Variants in ZFPM2 observed in about 807,000 individuals in gnomAD.
ZFPM2 encodes the protein zinc finger protein, FOG family member 2.
Under a neutral mutation model 98.6 loss-of-function variants are expected in ZFPM2, and 20 were observed. The observed-to-expected ratio is 0.20, with a 90% CI of 0.14 to 0.29. ZFPM2 has a LOEUF of 0.29. Among genes scored for constraint, ZFPM2 ranks in the 10% least tolerant of loss-of-function variants. ZFPM2 has a pLI of 1.00. For missense variants in ZFPM2, 1,310 were observed against 1,388.6 expected, an observed-to-expected ratio of 0.94 and a Z score of 0.90; for synonymous variants, 518 against 502.7, an observed-to-expected ratio of 1.03 and a Z score of -0.41.
At chr8:105,534,261 CCT>C in intron 3 of ZFPM2, among the ~76,000 whole-genome samples, 1 of 46,222 alleles carries the variant, frequency 2.2e-5, no homozygotes, top group African/African-American at 1.4e-4. Context: ...CTCCCTTCCT[CCT>C]TTCCTTCCTT....
chr8:105,512,907 A>C (rs1450727934), intron 3 of ZFPM2, among the ~76,000 whole-genome samples: 3 of 152,070 alleles, frequency 2.0e-5, no homozygotes, highest in Non-Finnish European at 2.9e-5. Flanking sequence ...TGCATGTTTC[A>C]AAATTTTTCT....
At chr8:105,626,467 C>T (rs1209877974) in intron 4 of ZFPM2, among the ~76,000 whole-genome samples, 1 of 152,034 alleles carries the variant, frequency 6.6e-6, no homozygotes, top group East Asian at 1.9e-4. Flanking sequence ...GAAACTTTTG[C>T]TGTGTAAAAT....
At chr8:105,759,422 G>A (rs1442468920) in intron 5 of ZFPM2, among the ~76,000 whole-genome samples, 3 of 151,932 alleles carry the variant, frequency 2.0e-5, no homozygotes, top group African/African-American at 4.8e-5. Context: ...CACAATATCC[G>A]CTTCACAGAC....
At chr8:105,541,369 C>T (rs977897094) in intron 3 of ZFPM2, among the ~76,000 whole-genome samples, 1 of 152,152 alleles carries the variant, frequency 6.6e-6, no homozygotes, top group Non-Finnish European at 1.5e-5. Flanking sequence ...GGAATTCAGA[C>T]CCATCTCCAT....
intron 3 of ZFPM2, among the ~76,000 whole-genome samples, chr8:105,485,223 A>C (rs542552818): frequency 4.6e-5 from 7 of 152,292 alleles, no homozygotes; most frequent in Non-Finnish European, 7.4e-5. Context: ...ACAGAGTCCA[A>C]CAGCCAGCCT....
At chr8:105,784,586 T>C (rs1813357024) in intron 5 of ZFPM2, among the ~76,000 whole-genome samples, 1 of 146,058 alleles carries the variant, frequency 6.8e-6, no homozygotes, top group Non-Finnish European at 1.5e-5. Flanking sequence ...TGTTATTTAT[T>C]ATATGATTAT....
intron 1 of ZFPM2, among the ~76,000 whole-genome samples, chr8:105,359,367 C>CTTTTTTTTTTTT (rs111675257): frequency 1.5e-5 from 2 of 135,356 alleles, no homozygotes; most frequent in Non-Finnish European, 1.6e-5. Flanking sequence ...CTTTTTCTTT[C>CTTTTTTTTTTTT]TTTTTTTTTT....
intron 4 of ZFPM2, among the ~76,000 whole-genome samples, chr8:105,563,164 C>T: frequency 6.6e-6 from 1 of 152,122 alleles, no homozygotes; most frequent in East Asian, 1.9e-4. Flanking sequence ...GTACTGGGTT[C>T]AGCAACATTA....
At chr8:105,721,977 A>G (rs149246812) in intron 5 of ZFPM2, among the ~76,000 whole-genome samples, 2 of 152,082 alleles carry the variant, frequency 1.3e-5, no homozygotes, top group African/African-American at 4.8e-5. Context: ...AATACTATAT[A>G]TAGGTATAAT....
intron 4 of ZFPM2, among the ~76,000 whole-genome samples, chr8:105,607,506 T>C (rs1361382652): frequency 6.6e-6 from 1 of 152,118 alleles, no homozygotes; most frequent in Non-Finnish European, 1.5e-5. Flanking sequence ...CATAAAAATC[T>C]ATAGGAGGAA....
chr8:105,781,082 G>A (rs1813235775), intron 5 of ZFPM2, among the ~76,000 whole-genome samples: 1 of 152,100 alleles, frequency 6.6e-6, no homozygotes, highest in Non-Finnish European at 1.5e-5. Context: ...AGCAAACCAA[G>A]CCCTCCAGAG....
rs912405256 is a variant in ZFPM2, at chr8:105,803,730, AAATT to A, written c.*197_*200del. ...TGTATTATTGGTGCCATTTTCAAAA[AAATT>A]AATTTATTTTACCAGCAGTATTCAT... On this transcript the variant is annotated 3_prime_UTR_variant, in exon 8 of 8. Coordinates refer to ENST00000407775, the MANE Select transcript of ZFPM2 (RefSeq NM_012082.4). 1 of 582,776 alleles carries A rather than the reference AAATT, an allele frequency of 1.7e-6. No homozygotes were observed. The highest frequency in any genetic ancestry group is 2.9e-5 in the East Asian group (1 of 34,258). 36.1% of individuals were successfully genotyped at this position (582,776 alleles called of 1,614,324 possible). A position where few individuals can be genotyped will look rare whatever the true frequency, so the allele number is the denominator to read the frequency against.
At chr8:105,503,284 T>G (rs1409861374) in intron 3 of ZFPM2, among the ~76,000 whole-genome samples, 1 of 152,176 alleles carries the variant, frequency 6.6e-6, no homozygotes, top group Non-Finnish European at 1.5e-5. Flanking sequence ...AAGAGGGCTT[T>G]TATATTAATC....
intron 5 of ZFPM2, among the ~76,000 whole-genome samples, chr8:105,695,657 T>A (rs760719889): frequency 6.6e-6 from 1 of 152,080 alleles, no homozygotes; most frequent in Non-Finnish European, 1.5e-5. Flanking sequence ...TGAGAATCAC[T>A]CAAAACCAAA....
In ZFPM2 at chr8:105,462,416, G is replaced by T. The variant is rs1197063976; in HGVS notation, c.301+18035G>T. On this transcript the variant is annotated intron_variant, in intron 3 of 7. Transcript: ENST00000407775. ...TGCTTCCCTCTGCAAAGCTTCCTGT[G>T]CGAAGAAGGCTGGACGAGGGAGAGA... Among the ~76,000 whole-genome samples the T allele has an allele frequency of 2.0e-5, 3 of 152,104 alleles. No individual in the cohort carries two copies. The East Asian group carries it at 5.8e-4, about 29-fold the overall frequency.
chr8:105,391,987 A>G (rs67638406), intron 1 of ZFPM2, among the ~76,000 whole-genome samples: 98,153 of 152,072 alleles, frequency 0.65, 31,916 homozygotes, highest in Middle Eastern at 0.76. Context: ...TCCATCACAG[A>G]AATCACTGTC....
rs1199142462 is a variant in ZFPM2, at chr8:105,653,687, T to TTAACC, written c.532+19332_532+19336dup. Among the ~76,000 whole-genome samples the TTAACC allele has an allele frequency of 3.9e-5, 6 of 152,226 alleles. No homozygotes were observed. In the Middle Eastern group the frequency reaches 0.014, roughly 345 times the overall value. On this transcript the variant is annotated intron_variant, in intron 5 of 7. Transcript: ENST00000407775. Reference sequence around the variant, plus strand: ...AAGGTACACTGTGGGATAGAAACAGTTAACCTTGCTACATAATGGTGTAAT... The same window carrying TTAACC: ...AAGGTACACTGTGGGATAGAAACAGTTAACCTAACCTTGCTACATAATGGTGTAAT...
At chr8:105,730,781 T>TC (rs1811915759) in intron 5 of ZFPM2, among the ~76,000 whole-genome samples, 2 of 58,054 alleles carry the variant, frequency 3.4e-5, no homozygotes, top group East Asian at 4.5e-4. Context: ...TTTTTCTTTT[T>TC]TTTTTTTTTT....
chr8:105,712,483 C>T (rs16873557), intron 5 of ZFPM2, among the ~76,000 whole-genome samples: 17,667 of 151,902 alleles, frequency 0.12, 1,638 homozygotes, highest in African/African-American at 0.26. Flanking sequence ...GGAGGTATGT[C>T]GGAATCAAAT....
Sources: allele counts gnomAD v4.1 joint callset (sites outside exome capture counted in the v4.1 genomes callset), GRCh38; gene constraint gnomAD v4.1.1; transcripts MANE v1.5; gene names NCBI Gene and HGNC (gene_info 2026-07-23, HGNC 2026-07-21).